The following AFTPH variants were observed in gnomAD, a reference collection of about 807,000 sequenced individuals.
The protein encoded by AFTPH is aftiphilin, also known as aftiphilin protein.
In AFTPH, 7 loss-of-function variants were observed where a neutral mutation model predicts 72.5. The observed-to-expected ratio is 0.10, with a 90% CI of 0.05 to 0.18. The LOEUF is 0.18. Ranked by LOEUF, AFTPH falls within the 10% of genes least tolerant of loss-of-function variation. The probability of loss-of-function intolerance (pLI) is 1.00; values close to 1 mark genes in which losing one functional copy is unlikely to be tolerated. For synonymous variants in AFTPH, 337 were observed against 370.1 expected (o/e 0.91, Z 1.03); for missense variants, 979 against 1,060.5 (o/e 0.92, Z 1.07).
At chr2:64,592,303 T>A in exon 9 of AFTPH, 1 of 248,896 alleles carries the variant, frequency 4.0e-6, no homozygotes, top group African/African-American at 2.2e-5. Context: ...TATACATTTA[T>A]GTCTTTGTGA....
intron 8 of AFTPH, among the ~76,000 whole-genome samples, chr2:64,586,035 G>T (rs1673482191): frequency 6.6e-6 from 1 of 152,094 alleles, no homozygotes. Context: ...CTTTCTAGAA[G>T]CCCCTTCAGA....
In AFTPH at chr2:64,569,728, C is replaced by G. The variant is rs750747835; in HGVS notation, c.2271+49C>G. On this transcript the variant is annotated intron_variant, in intron 5 of 8. Transcript: ENST00000238856. ...TGTATTTATCATTACTGCATCTATT[C>G]TGTAAAATCATCTTAAAATACACTT... The G allele has an allele frequency of 4.6e-6, 7 of 1,525,722 alleles. 1 individual carries two copies. Among genetic ancestry groups the G allele is most frequent in the South Asian group, 2.2e-5 (2 of 89,174 alleles). The allele number at this position is 1,525,722 out of a possible 1,614,324, so 94.5% of individuals were successfully genotyped here.
chr2:64,565,991 C>A (rs530988197), intron 2 of AFTPH, among the ~76,000 whole-genome samples: 2 of 152,148 alleles, frequency 1.3e-5, no homozygotes, highest in East Asian at 3.9e-4. Context: ...CATTTTTTTC[C>A]TATCCCATTA....
intron 6 of AFTPH, among the ~76,000 whole-genome samples, chr2:64,574,386 G>T (rs1672642835): frequency 6.6e-6 from 1 of 151,820 alleles, no homozygotes; most frequent in South Asian, 2.1e-4. Flanking sequence ...ACCACCCTTA[G>T]AGATCACAAC....
At chr2:64,543,354 T>C (rs1338436313) in intron 1 of AFTPH, among the ~76,000 whole-genome samples, 1 of 152,240 alleles carries the variant, frequency 6.6e-6, no homozygotes, top group African/African-American at 2.4e-5. Flanking sequence ...ATGGTATTCT[T>C]TTGATGAAGA....
chr2:64,541,479 TA>T (rs761983532), intron 1 of AFTPH, among the ~76,000 whole-genome samples: 3 of 152,178 alleles, frequency 2.0e-5, no homozygotes, highest in South Asian at 4.1e-4. Context: ...TTTTAAAATT[TA>T]GAGCTGTGAA....
At position 64,541,891 on chromosome 2, in the gene AFTPH, A is replaced by G. The variant is rs192691882; in HGVS notation, c.-32-9552A>G. Among the ~76,000 whole-genome samples, 51 of 152,334 alleles carry G rather than the reference A, an allele frequency of 3.3e-4. 1 individual carries two copies. Among genetic ancestry groups the G allele is most frequent in the Non-Finnish European group, 5.7e-4 (39 of 68,018 alleles). On this transcript the variant is annotated intron_variant, in intron 1 of 8. Transcript: ENST00000238856. ...GATTATTTTTTGTCATCCATTAAAT[A>G]TACTTTGCTAATGTCATTGATACTA... is the stretch of plus-strand genomic sequence containing the variant.
intron 1 of AFTPH, among the ~76,000 whole-genome samples, chr2:64,533,656 C>T (rs549737706): frequency 5.9e-5 from 9 of 151,928 alleles, no homozygotes; most frequent in Non-Finnish European, 1.2e-4. Flanking sequence ...AAGTCTACCC[C>T]GATTTGCTAG....
At chr2:64,572,910 C>G in intron 5 of AFTPH, 36 bp from the exon 6 acceptor site, 1 of 1,612,992 alleles carries the variant, frequency 6.2e-7, no homozygotes, top group Non-Finnish European at 8.5e-7. Flanking sequence ...GGCTGTGCAC[C>G]CCCATCCCCA....
chr2:64,551,475 A>G (rs1053841088), exon 2 of AFTPH: 2 of 1,610,546 alleles, frequency 1.2e-6, no homozygotes, highest in Non-Finnish European at 1.7e-6. Context: ...CAACTGAACA[A>G]TGGAGCCAGA....
intron 2 of AFTPH, among the ~76,000 whole-genome samples, chr2:64,562,118 T>G (rs1443252433): frequency 6.6e-6 from 1 of 152,192 alleles, no homozygotes; most frequent in African/African-American, 2.4e-5. Context: ...ATGAAGACAG[T>G]AATACTTCTG....
intron 2 of AFTPH, among the ~76,000 whole-genome samples, chr2:64,561,730 G>A (rs764139726): frequency 4.6e-5 from 7 of 152,098 alleles, no homozygotes; most frequent in African/African-American, 1.2e-4. Flanking sequence ...TTGATTTGAC[G>A]TTTAGTATTG....
At chr2:64,538,562 A>T (rs182662449) in intron 1 of AFTPH, among the ~76,000 whole-genome samples, 6 of 152,318 alleles carry the variant, frequency 3.9e-5, no homozygotes, top group African/African-American at 1.4e-4. Flanking sequence ...GTGTGCTATT[A>T]TCTGTGGATC....
At chr2:64,551,496 A>T (rs775779483) in exon 2 of AFTPH, 1 of 1,613,752 alleles carries the variant, frequency 6.2e-7, no homozygotes, top group African/African-American at 1.3e-5. Flanking sequence ...CATCATTCGA[A>T]TGTACTCTTC....
At chr2:64,531,634 A>C (rs980984654) in intron 1 of AFTPH, among the ~76,000 whole-genome samples, 4 of 152,226 alleles carry the variant, frequency 2.6e-5, no homozygotes, top group Non-Finnish European at 5.9e-5. Flanking sequence ...CCACTAGCCA[A>C]ATGTGTCACT....
chr2:64,591,427 G>T (rs1351169420), intron 8 of AFTPH, among the ~76,000 whole-genome samples: 1 of 152,238 alleles, frequency 6.6e-6, no homozygotes, highest in African/African-American at 2.4e-5. Flanking sequence ...AGAGCCTGAG[G>T]TTAAAATGAC....
intron 1 of AFTPH, among the ~76,000 whole-genome samples, chr2:64,545,391 C>A (rs1171691185): frequency 6.6e-6 from 1 of 150,486 alleles, no homozygotes; most frequent in African/African-American, 2.4e-5. Context: ...ATTATACATA[C>A]TATTTATATA....
chr2:64,552,208 T>C (rs1671089360), exon 2 of AFTPH: 1 of 1,613,758 alleles, frequency 6.2e-7, no homozygotes, highest in Non-Finnish European at 8.5e-7. Flanking sequence ...AGGATACAAT[T>C]AGAAGAAATA....
intron 6 of AFTPH, among the ~76,000 whole-genome samples, chr2:64,575,350 G>T (rs188408619): frequency 6.6e-6 from 1 of 152,242 alleles, no homozygotes; most frequent in Admixed American, 6.5e-5. Flanking sequence ...AACAGAGCAG[G>T]CTTGGTGGCT....
Sources: gnomAD v4.1 joint callset for allele counts (sites outside exome capture counted in the v4.1 genomes callset) on GRCh38, gnomAD v4.1.1 for gene constraint, MANE v1.5 for transcripts, NCBI Gene and HGNC (gene_info 2026-07-23, HGNC 2026-07-21) for gene names.